KCNH1: variants seen among roughly 807,000 people sequenced by gnomAD.
The protein encoded by KCNH1 is voltage-gated delayed rectifier potassium channel KCNH1.
KCNH1 carries 27 observed loss-of-function variants against 69.2 expected under a neutral mutation model. The observed-to-expected ratio is 0.39, with a 90% CI of 0.29 to 0.54. The LOEUF (loss-of-function observed/expected upper bound fraction) is 0.54, where lower values mean the gene tolerates loss of function less well. KCNH1 is among the 20% of genes least tolerant of loss of function. The pLI is 0.68. For synonymous variants in KCNH1, 456 were observed against 487.7 expected, an observed-to-expected ratio of 0.93 and a Z score of 0.86; for missense variants, 798 against 1,261.6, an observed-to-expected ratio of 0.63 and a Z score of 5.57.
At chr1:210,698,836 AGCCTGAGGGCTGCAGCGCCTGCCT>A in intron 10 of KCNH1, among the ~76,000 whole-genome samples, 2 of 152,308 alleles carry the variant, frequency 1.3e-5, no homozygotes, top group Middle Eastern at 3.4e-3. Flanking sequence ...CTGCCACCAG[AGCCTGAGGGCTGCAGCGCCTGCCT>A]GCCATCCAGC....
chr1:210,942,796 A>G (rs747616462), intron 6 of KCNH1, among the ~76,000 whole-genome samples: 4 of 152,158 alleles, frequency 2.6e-5, no homozygotes, highest in Admixed American at 6.5e-5. Context: ...TATCTGAAAT[A>G]ATGAAAACTC....
At chr1:210,756,700 C>T (rs1683407365) in intron 10 of KCNH1, among the ~76,000 whole-genome samples, 1 of 152,170 alleles carries the variant, frequency 6.6e-6, no homozygotes, top group African/African-American at 2.4e-5. Flanking sequence ...GGATAGTGAA[C>T]TCACTGGTGG....
chr1:210,726,054 T>C (rs1386446504), intron 10 of KCNH1, among the ~76,000 whole-genome samples: 1 of 152,186 alleles, frequency 6.6e-6, no homozygotes, highest in African/African-American at 2.4e-5. Context: ...AGAAAGTGTA[T>C]TATATGCCTT....
At chr1:210,733,077 T>A (rs1682783415) in intron 10 of KCNH1, among the ~76,000 whole-genome samples, 3 of 152,178 alleles carry the variant, frequency 2.0e-5, no homozygotes, top group Non-Finnish European at 4.4e-5. Flanking sequence ...TTGCTTTTGG[T>A]GACAGAAGAA....
chr1:210,706,935 C>A (rs996176588), intron 10 of KCNH1, among the ~76,000 whole-genome samples: 18 of 152,210 alleles, frequency 1.2e-4, no homozygotes, highest in African/African-American at 3.6e-4. Flanking sequence ...ATGTACTGAA[C>A]CCAAGTTCTA....
intron 6 of KCNH1, among the ~76,000 whole-genome samples, chr1:211,004,367 A>G (rs909282452): frequency 4.0e-4 from 61 of 152,298 alleles, no homozygotes; most frequent in African/African-American, 1.3e-3. Context: ...GAATATACAT[A>G]TAGTATATAT....
intron 7 of KCNH1, among the ~76,000 whole-genome samples, chr1:210,916,084 C>T (rs1187564762): frequency 1.3e-5 from 2 of 152,082 alleles, no homozygotes; most frequent in Non-Finnish European, 2.9e-5. Flanking sequence ...GTGGTCAATG[C>T]TCCCCATTAC....
At chr1:210,783,059 G>A (rs771661810) in intron 9 of KCNH1, among the ~76,000 whole-genome samples, 1 of 152,176 alleles carries the variant, frequency 6.6e-6, no homozygotes. Context: ...AACATAGTAG[G>A]GGTTCAATAA....
intron 4 of KCNH1, among the ~76,000 whole-genome samples, chr1:211,084,514 A>G (rs1690917460): frequency 1.3e-5 from 2 of 152,086 alleles, no homozygotes; most frequent in African/African-American, 2.4e-5. Flanking sequence ...ATATCCCTGG[A>G]CCTCTGGTCA....
chr1:210,852,689 G>C (rs1354415576), intron 7 of KCNH1, among the ~76,000 whole-genome samples: 1 of 152,114 alleles, frequency 6.6e-6, no homozygotes, highest in Admixed American at 6.6e-5. Context: ...AAACGCGCTT[G>C]GCCCAAGGGA....
chr1:210,716,160 G>C (rs778701786), intron 10 of KCNH1, among the ~76,000 whole-genome samples: 1 of 152,050 alleles, frequency 6.6e-6, no homozygotes, highest in Non-Finnish European at 1.5e-5. Context: ...CAGGCTGGGC[G>C]TGGCGGCTCA....
intron 10 of KCNH1, among the ~76,000 whole-genome samples, chr1:210,720,533 G>A (rs1538755): frequency 0.04 from 6,110 of 152,284 alleles, 195 homozygotes; most frequent in East Asian, 0.14. Flanking sequence ...GAAGGAATCT[G>A]TGCTGAAGAC....
rs1012295369 is a variant in KCNH1 at position 210,949,396 on chromosome 1, C to A, written c.1033-29327G>T. 2.6e-5 allele frequency among the ~76,000 whole-genome samples: 4 copies of A among 152,310 alleles called. No individual in the cohort carries two copies. In the South Asian group the frequency reaches 8.3e-4, roughly 32 times the overall value. ...CAAATCTTACCACTTGCCTCAAGAACAAACCCTAAGCTCACCTACTCCAAG... is the reference window on the plus strand; with the variant it reads ...CAAATCTTACCACTTGCCTCAAGAAAAAACCCTAAGCTCACCTACTCCAAG... On this transcript the variant is annotated intron_variant, in intron 6 of 10. Transcript: ENST00000271751.
intron 5 of KCNH1, among the ~76,000 whole-genome samples, chr1:211,068,441 G>T (rs1240136407): frequency 6.6e-6 from 1 of 152,070 alleles, no homozygotes; most frequent in Non-Finnish European, 1.5e-5. Context: ...TGTCGCCCAG[G>T]CTGGAGTGCA....
chr1:210,917,221 GAGAGAGAGAGAAAGAA>G (rs1269557649), intron 7 of KCNH1, among the ~76,000 whole-genome samples: 273 of 110,048 alleles, frequency 2.5e-3, no homozygotes, highest in African/African-American at 3.0e-3. Context: ...GAGAGAGAGA[GAGAGAGAGAGAAAGAA>G]AGAAAGAAAG....
chr1:210,898,347 T>C (rs537200794), intron 7 of KCNH1, among the ~76,000 whole-genome samples: 2 of 152,272 alleles, frequency 1.3e-5, no homozygotes, highest in South Asian at 4.1e-4. Flanking sequence ...ACAATAAATA[T>C]TTATAAACCT....
chr1:210,998,820 C>G (rs189683973), intron 6 of KCNH1, among the ~76,000 whole-genome samples: 1 of 152,230 alleles, frequency 6.6e-6, no homozygotes, highest in Admixed American at 6.5e-5. Context: ...GTCTCTCACA[C>G]CACAGAGCAA....
intron 10 of KCNH1, among the ~76,000 whole-genome samples, chr1:210,764,438 T>C (rs1042772879): frequency 2.0e-5 from 3 of 152,100 alleles, no homozygotes; most frequent in Admixed American, 2.0e-4. Context: ...GACAATCTAC[T>C]GGATGGGAGA....
intron 6 of KCNH1, among the ~76,000 whole-genome samples, chr1:210,974,921 T>G (rs1688576505): frequency 6.6e-6 from 1 of 152,148 alleles, no homozygotes; most frequent in Non-Finnish European, 1.5e-5. Flanking sequence ...TATAGATGTT[T>G]TGTACCCAAT....
Sources: gnomAD v4.1 joint callset for allele counts (sites outside exome capture counted in the v4.1 genomes callset) on GRCh38, gnomAD v4.1.1 for gene constraint, MANE v1.5 for transcripts, NCBI Gene and HGNC (gene_info 2026-07-23, HGNC 2026-07-21) for gene names.